NPRL3: variants seen among roughly 807,000 people sequenced by gnomAD.
NPRL3 encodes GATOR1 complex protein NPRL3.
In NPRL3, 23 loss-of-function variants were observed where a neutral mutation model predicts 57.2. The observed-to-expected ratio is 0.40, with a 90% CI of 0.29 to 0.57. NPRL3 has a LOEUF of 0.57. Ranked by LOEUF, NPRL3 falls within the 20% of genes least tolerant of loss-of-function variation. The probability of loss-of-function intolerance (pLI) is 0.42; values close to 1 mark genes in which losing one functional copy is unlikely to be tolerated. For missense variants in NPRL3, 691 were observed against 767.1 expected (o/e 0.90, Z 1.17); for synonymous variants, 333 against 321.1 (o/e 1.04, Z -0.39).
chr16:134,434 TA>T (rs1900958168), intron 2 of NPRL3, among the ~76,000 whole-genome samples: 1 of 151,750 alleles, frequency 6.6e-6, no homozygotes, highest in Admixed American at 6.6e-5. Flanking sequence ...GAAAAGCTAA[TA>T]AGGGAGAAAA....
rs1898807777 is a variant in NPRL3, at chr16:92,610, G to A, written c.1147C>T (p.Pro383Ser). Residue 383 changes from proline (P) to serine (S), a missense_variant, in exon 11 of 14, where the codon CCC becomes TCC. Physicochemically the swap from Pro to Ser is moderately conservative, Grantham distance 74. Coordinates refer to ENST00000611875, the MANE Select transcript of NPRL3 (RefSeq NM_001077350.3). Reference sequence around the variant, plus strand: ...CTGTGACTCACCTCCTGCACAGCGGGGGCCAGGGGATTCCTAAATTCTGAC... The same window carrying A: ...CTGTGACTCACCTCCTGCACAGCGGAGGCCAGGGGATTCCTAAATTCTGAC... ...SLSEFRNPLA[P>S]AVQETQLIQM... 6.2e-7 allele frequency: 1 copy of A among 1,613,332 alleles called. No individual in the cohort carries two copies. The highest frequency in any genetic ancestry group is 1.3e-5 in the African/African-American group (1 of 74,916).
chr16:138,188 G>A lies in NPRL3; in HGVS notation c.80C>T (p.Pro27Leu), dbSNP rs1303500452. 3 of 1,609,546 alleles carry A rather than the reference G, an allele frequency of 1.9e-6. No individual in the cohort carries two copies. The highest frequency in any genetic ancestry group is 1.3e-5 in the African/African-American group (1 of 74,710). The change falls in exon 2 of 14, where the codon CCC becomes CTC. Residue 27 changes from proline (P) to leucine (L), a missense_variant. Coordinates refer to ENST00000611875, the MANE Select transcript of NPRL3 (RefSeq NM_001077350.3). ...CGGGTGCTCCTGGCTTCTCTGGAAG[G>A]GGTACCTGAACAGCAGCTTATTGCC... Reference protein sequence around the residue: ...SRGNKLLFRYPFQRSQEHPAS... With the variant: ...SRGNKLLFRYLFQRSQEHPAS...
intron 3 of NPRL3, among the ~76,000 whole-genome samples, chr16:120,658 C>A (rs1433393903): frequency 6.6e-6 from 1 of 152,166 alleles, no homozygotes; most frequent in Non-Finnish European, 1.5e-5. Context: ...AGCCTCTCAA[C>A]CCAGTCAGGT....
chr16:104,080 C>T (rs1899426318), intron 7 of NPRL3, among the ~76,000 whole-genome samples: 1 of 150,002 alleles, frequency 6.7e-6, no homozygotes, highest in Non-Finnish European at 1.5e-5. Flanking sequence ...GAGCTGAGAT[C>T]GTGCCATTGC....
At chr16:108,845 T>C (rs559933519) in intron 7 of NPRL3, among the ~76,000 whole-genome samples, 8 of 150,964 alleles carry the variant, frequency 5.3e-5, no homozygotes, top group Non-Finnish European at 1.0e-4. Context: ...TAATTTTTTG[T>C]ATTTTTAGTA....
rs1898843708 is a variant in NPRL3 at position 93,310 on chromosome 16, C to T, written c.940G>A (p.Ala314Thr). 4 of 1,556,480 alleles carry T rather than the reference C, an allele frequency of 2.6e-6. No homozygotes were observed. In the South Asian group the frequency reaches 3.6e-5, roughly 14 times the overall value. ...GCCTTGCCCCAGTACACCAGATGAGCTGCAAGCTGGAAAACCTGCAGGCAA... is the reference window on the plus strand; with the variant it reads ...GCCTTGCCCCAGTACACCAGATGAGTTGCAAGCTGGAAAACCTGCAGGCAA... Reference protein sequence around the residue: ...LALLQVFQLAAHLVYWGKAII... With the variant: ...LALLQVFQLATHLVYWGKAII... The change falls in exon 10 of 14, where the codon GCT becomes ACT. Residue 314 changes from alanine (A) to threonine (T), a missense_variant. Transcript: ENST00000611875.
At chr16:127,742 C>G (rs1900595052) in intron 3 of NPRL3, among the ~76,000 whole-genome samples, 1 of 151,522 alleles carries the variant, frequency 6.6e-6, no homozygotes, top group Non-Finnish European at 1.5e-5. Context: ...GCAAGCTCCG[C>G]CTCCCGGGTT....
At chr16:88,669 C>T (rs2141899548) in intron 13 of NPRL3, 29 bp downstream of exon 13, 1 of 1,584,854 alleles carries the variant, frequency 6.3e-7, no homozygotes, top group South Asian at 1.1e-5. Context: ...GCAACTGGCC[C>T]CAGTCCCAAC....
intron 3 of NPRL3, 32 bp from the exon 4 acceptor site, chr16:119,287 A>G (rs372495160): frequency 6.3e-6 from 10 of 1,575,216 alleles, no homozygotes; most frequent in Non-Finnish European, 7.8e-6. Context: ...AATAAAAATA[A>G]GTTAACAAAA....
chr16:88,385 C>T (rs1898593029), intron 13 of NPRL3, among the ~76,000 whole-genome samples: 3 of 36,954 alleles, frequency 8.1e-5, no homozygotes, highest in Non-Finnish European at 9.4e-5. Flanking sequence ...GAGACTCCGT[C>T]TCAAAAAAAA....
Position 86,622 on chromosome 16 carries a change from C to G in NPRL3, c.*83G>C. The G allele has an allele frequency of 7.1e-7, 1 of 1,399,388 alleles. No individual in the cohort carries two copies. Among genetic ancestry groups the G allele is most frequent in the Non-Finnish European group, 9.6e-7 (1 of 1,041,178 alleles). 86.7% of individuals were successfully genotyped at this position (1,399,388 alleles called of 1,614,324 possible). A position where few individuals can be genotyped will look rare whatever the true frequency, so the allele number is the denominator to read the frequency against. On this transcript the variant is annotated 3_prime_UTR_variant, in exon 14 of 14. Transcript: ENST00000611875. ...AGGCCTCAGGGCCAAGAGGGCTCAG[C>G]CTCAGCACGGGGGGAGCCCTGGGGT...
intron 8 of NPRL3, 113 bp downstream of exon 8, chr16:100,259 C>T (rs1899218886): frequency 8.7e-7 from 1 of 1,148,294 alleles, no homozygotes; most frequent in Admixed American, 3.7e-5. Context: ...CAAGCTTCCG[C>T]AGTGGGAAGA....
rs1898480074 is a variant in NPRL3 at position 86,610 on chromosome 16, A to G, written c.*95T>C. The G allele has an allele frequency of 7.6e-7, 1 of 1,315,740 alleles. No homozygotes were observed. Among genetic ancestry groups the G allele is most frequent in the African/African-American group, 1.5e-5 (1 of 68,312 alleles). 81.5% of individuals were successfully genotyped at this position (1,315,740 alleles called of 1,614,324 possible). A position where few individuals can be genotyped will look rare whatever the true frequency, so the allele number is the denominator to read the frequency against. On this transcript the variant is annotated 3_prime_UTR_variant, in exon 14 of 14. Transcript: ENST00000611875. ...CCACCCAATGCCAGGCCTCAGGGCC[A>G]AGAGGGCTCAGCCTCAGCACGGGGG... is the stretch of plus-strand genomic sequence containing the variant.
At chr16:119,527 A>T in intron 3 of NPRL3, 1 of 466,046 alleles carries the variant, frequency 2.1e-6, no homozygotes, top group Non-Finnish European at 3.9e-6. Context: ...TAAATTCAGG[A>T]GAGAAACAGT....
At chr16:120,610 C>G (rs192238812) in intron 3 of NPRL3, among the ~76,000 whole-genome samples, 1 of 152,184 alleles carries the variant, frequency 6.6e-6, no homozygotes, top group Non-Finnish European at 1.5e-5. Context: ...AAACCACATA[C>G]GAGGGTTTGG....
Position 93,325 on chromosome 16 carries a change from C to A in NPRL3, c.925G>T (p.Val309Phe). The part of the protein sequence containing the change: ...AQDADLALLQ[V>F]FQLAAHLVYW... The stretch of plus-strand genomic sequence containing the variant: ...ACCAGATGAGCTGCAAGCTGGAAAA[C>A]CTGCAGGCAAAAGGGAAGCTGCAAG... Residue 309 changes from valine (V) to phenylalanine (F), a missense_variant and splice_region_variant, in exon 10 of 14, where the codon GTT becomes TTT. Coordinates refer to ENST00000611875, the MANE Select transcript of NPRL3 (RefSeq NM_001077350.3). 1.3e-6 allele frequency: 2 copies of A among 1,549,954 alleles called. No homozygotes were observed. Among genetic ancestry groups the A allele is most frequent in the Non-Finnish European group, 1.7e-6 (2 of 1,144,616 alleles).
intron 3 of NPRL3, 100 bp downstream of exon 3, chr16:130,422 C>G: frequency 8.1e-7 from 1 of 1,239,554 alleles, no homozygotes; most frequent in South Asian, 1.3e-5. Context: ...AAACACCAGA[C>G]TTCTCAGGGA....
intron 9 of NPRL3, among the ~76,000 whole-genome samples, chr16:94,311 T>C (rs1003305955): frequency 2.6e-5 from 4 of 152,044 alleles, no homozygotes; most frequent in African/African-American, 9.7e-5. Context: ...GTGTGTGAAA[T>C]CCTAAGCTCT....
At chr16:138,399 T>C (rs1567152290) in intron 1 of NPRL3, 65 bp from the exon 2 acceptor site, 2 of 515,032 alleles carry the variant, frequency 3.9e-6, no homozygotes, top group Admixed American at 4.0e-5. Context: ...GCAGGGGGCC[T>C]GAGGAGGGCA....
Sources: allele counts gnomAD v4.1 joint callset (sites outside exome capture counted in the v4.1 genomes callset), GRCh38; gene constraint gnomAD v4.1.1; transcripts MANE v1.5; gene names NCBI Gene and HGNC (gene_info 2026-07-23, HGNC 2026-07-21).